The following DYNC2I1 variants were observed in gnomAD, a reference collection of about 807,000 sequenced individuals.
DYNC2I1 encodes the protein cytoplasmic dynein 2 intermediate chain 1.
In DYNC2I1, 89 loss-of-function variants were observed where a neutral mutation model predicts 133.4. That is an observed-to-expected ratio of 0.67 (90% confidence interval 0.56 to 0.80). The LOEUF (loss-of-function observed/expected upper bound fraction) is 0.80. Ranked by LOEUF, DYNC2I1 falls within the 30% of genes least tolerant of loss-of-function variation. The pLI is 0.00. For synonymous variants in DYNC2I1, 504 were observed against 484.3 expected (o/e 1.04, Z -0.54); for missense variants, 1,291 against 1,314.5 (o/e 0.98, Z 0.28).
chr7:158,869,695 C>G (rs1842710142), intron 1 of DYNC2I1, among the ~76,000 whole-genome samples, 160 bp from the exon 2 acceptor site: 1 of 152,118 alleles, frequency 6.6e-6, no homozygotes, highest in Admixed American at 6.5e-5. Context: ...TTTTAAAAAT[C>G]TGTATTTCTG....
At chr7:158,859,884 C>T (rs1048073016) in intron 1 of DYNC2I1, among the ~76,000 whole-genome samples, 4 of 152,126 alleles carry the variant, frequency 2.6e-5, no homozygotes, top group African/African-American at 7.2e-5. Context: ...AATTGCAAGT[C>T]GGTCTTTAAC....
At chr7:158,872,765 G>A (rs1021723201) in intron 3 of DYNC2I1, among the ~76,000 whole-genome samples, 4 of 152,156 alleles carry the variant, frequency 2.6e-5, no homozygotes, top group East Asian at 1.9e-4. Flanking sequence ...GGGAGGCCGA[G>A]GTGGGCAGAT....
At chr7:158,915,952 G>T (rs62476483) in intron 14 of DYNC2I1, among the ~76,000 whole-genome samples, 152 of 109,694 alleles carry the variant, frequency 1.4e-3, no homozygotes, top group Non-Finnish European at 1.8e-3. Context: ...GTGAAACGTT[G>T]ACACAGTGGT....
chr7:158,917,093 C>G (rs573352543), intron 14 of DYNC2I1, among the ~76,000 whole-genome samples: 6 of 94,312 alleles, frequency 6.4e-5, no homozygotes, highest in Admixed American at 1.0e-4. Context: ...AACGTCTACA[C>G]GCTGGTTGAC....
intron 1 of DYNC2I1, among the ~76,000 whole-genome samples, chr7:158,868,344 G>A (rs1036004875): frequency 1.1e-4 from 17 of 152,212 alleles, no homozygotes; most frequent in Admixed American, 7.2e-4. Context: ...GAGGCGCTGC[G>A]ACATGCTAAG....
At chr7:158,957,334 T>C (rs376863676), downstream of DYNC2I1, among the ~76,000 whole-genome samples, 2 of 152,226 alleles carry the variant, frequency 1.3e-5, no homozygotes, top group East Asian at 3.8e-4. Flanking sequence ...GTGGGGCCGA[T>C]TCTGGCAGGA....
At chr7:158,888,451 ATT>A (rs1844834336) in intron 7 of DYNC2I1, among the ~76,000 whole-genome samples, 3 of 151,664 alleles carry the variant, frequency 2.0e-5, no homozygotes, top group South Asian at 4.2e-4. Flanking sequence ...ATATTTAACA[ATT>A]TTGTGCCATA....
intron 10 of DYNC2I1, among the ~76,000 whole-genome samples, chr7:158,905,761 G>A (rs1226337394): frequency 6.6e-6 from 1 of 152,124 alleles, no homozygotes; most frequent in Non-Finnish European, 1.5e-5. Flanking sequence ...AATAGTGTGA[G>A]TGGCACATAC....
the DYNC2I1 span, among the ~76,000 whole-genome samples, chr7:158,840,609 G>A: frequency 1.3e-5 from 2 of 152,198 alleles, no homozygotes; most frequent in Non-Finnish European, 2.9e-5. Context: ...TATAAATCAC[G>A]CAATTATAAA....
At chr7:158,892,838 G>C (rs947688400) in intron 8 of DYNC2I1, among the ~76,000 whole-genome samples, 1 of 151,702 alleles carries the variant, frequency 6.6e-6, no homozygotes, top group Non-Finnish European at 1.5e-5. Flanking sequence ...CTGCTCAGGA[G>C]GCTGAGGCAG....
chr7:158,864,634 T>C (rs1190002119), intron 1 of DYNC2I1, among the ~76,000 whole-genome samples: 1 of 151,778 alleles, frequency 6.6e-6, no homozygotes, highest in East Asian at 1.9e-4. Flanking sequence ...CTTAGCCTCC[T>C]GAGTAGCTGG....
chr7:158,886,938 C>T, intron 6 of DYNC2I1, 83 bp from the exon 7 acceptor site: 2 of 1,287,390 alleles, frequency 1.6e-6, no homozygotes, highest in South Asian at 1.2e-5. Flanking sequence ...TTGTTAAGAG[C>T]TTTCACTGAT....
At chr7:158,860,606 G>T (rs1412984137) in intron 1 of DYNC2I1, among the ~76,000 whole-genome samples, 2 of 151,958 alleles carry the variant, frequency 1.3e-5, no homozygotes, top group Non-Finnish European at 2.9e-5. Context: ...AATTTATCTT[G>T]TTTACAATGT....
chr7:158,870,669 G>T (rs1842800382), intron 2 of DYNC2I1, among the ~76,000 whole-genome samples: 1 of 152,034 alleles, frequency 6.6e-6, no homozygotes, highest in Non-Finnish European at 1.5e-5. Context: ...TACCATGCCT[G>T]GTCCTACTTA....
intron 5 of DYNC2I1, among the ~76,000 whole-genome samples, chr7:158,880,791 C>T (rs1563102920): frequency 6.6e-6 from 1 of 152,128 alleles, no homozygotes; most frequent in Admixed American, 6.5e-5. Flanking sequence ...GGTGTTTTAG[C>T]ACCTTTTGTT....
At chr7:158,879,164 A>G (rs1014913094) in intron 4 of DYNC2I1, among the ~76,000 whole-genome samples, 1 of 152,154 alleles carries the variant, frequency 6.6e-6, no homozygotes, top group East Asian at 1.9e-4. Flanking sequence ...ACCATGGACC[A>G]TGACATGAAT....
chr7:158,925,165 C>T (rs888676295), intron 17 of DYNC2I1, among the ~76,000 whole-genome samples: 1 of 152,210 alleles, frequency 6.6e-6, no homozygotes, highest in Non-Finnish European at 1.5e-5. Flanking sequence ...ACCAAATTCT[C>T]ACCCGGGAGA....
At chr7:158,936,350 A>G (rs1259180588) in intron 23 of DYNC2I1, among the ~76,000 whole-genome samples, 1 of 152,168 alleles carries the variant, frequency 6.6e-6, no homozygotes, top group African/African-American at 2.4e-5. Flanking sequence ...AATTGTGAAG[A>G]TAAGACAGTT....
chr7:158,937,032 A>G (rs1325306784), intron 23 of DYNC2I1, among the ~76,000 whole-genome samples: 2 of 152,206 alleles, frequency 1.3e-5, no homozygotes, highest in African/African-American at 4.8e-5. Flanking sequence ...TGACCTCCCC[A>G]GAAGGACAAA....
Sources: allele counts gnomAD v4.1 joint callset (sites outside exome capture counted in the v4.1 genomes callset), GRCh38; gene constraint gnomAD v4.1.1; transcripts MANE v1.5; gene names NCBI Gene and HGNC (gene_info 2026-07-23, HGNC 2026-07-21).